Variants in CHN1 observed in about 807,000 individuals in gnomAD.
CHN1 encodes the protein N-chimaerin.
In CHN1, 37 loss-of-function variants were observed where a neutral mutation model predicts 59.5. The observed-to-expected ratio is 0.62, with a 90% confidence interval of 0.48 to 0.82. The LOEUF is 0.82. Ranked by LOEUF, CHN1 falls within the 40% of genes least tolerant of loss-of-function variation. The pLI, the probability that CHN1 is intolerant of heterozygous loss-of-function variation, is 0.00. For missense variants in CHN1, 469 were observed against 571.0 expected (o/e 0.82, Z 1.82); for synonymous variants, 206 against 200.4 (o/e 1.03, Z -0.24).
At chr2:174,906,754 C>A (rs1688554996) in intron 5 of CHN1, among the ~76,000 whole-genome samples, 1 of 152,058 alleles carries the variant, frequency 6.6e-6, no homozygotes, top group Admixed American at 6.6e-5. Context: ...AGAAGGCAGT[C>A]TTTTTTGGTC....
intron 6 of CHN1, among the ~76,000 whole-genome samples, chr2:174,849,874 C>T (rs1686671183): frequency 6.6e-6 from 1 of 152,144 alleles, no homozygotes; most frequent in Non-Finnish European, 1.5e-5. Flanking sequence ...ACACTATATC[C>T]ACCCAGGTGA....
At chr2:174,885,121 A>G (rs1687855679) in intron 5 of CHN1, among the ~76,000 whole-genome samples, 1 of 148,690 alleles carries the variant, frequency 6.7e-6, no homozygotes, top group East Asian at 1.9e-4. Context: ...CCCCATCTCT[A>G]CTAAAAAAAA....
intron 2 of CHN1, among the ~76,000 whole-genome samples, chr2:174,945,562 T>C (rs893760581): frequency 6.6e-6 from 1 of 152,200 alleles, no homozygotes; most frequent in African/African-American, 2.4e-5. Flanking sequence ...GTGAAAATTA[T>C]ACTGATACCA....
intron 1 of CHN1, among the ~76,000 whole-genome samples, chr2:174,988,126 A>C (rs1482551545): frequency 1.3e-5 from 2 of 152,114 alleles, no homozygotes; most frequent in South Asian, 2.1e-4. Flanking sequence ...TTGGGAGCCA[A>C]GGCGGGCGGA....
intron 1 of CHN1, among the ~76,000 whole-genome samples, chr2:174,980,629 G>A (rs1019476618): frequency 1.7e-4 from 26 of 152,238 alleles, no homozygotes; most frequent in Non-Finnish European, 3.2e-4. Flanking sequence ...GATATGCCTG[G>A]TTTCCTAAGA....
intron 8 of CHN1, among the ~76,000 whole-genome samples, chr2:174,814,822 A>T (rs2105387388): frequency 6.6e-6 from 1 of 152,310 alleles, no homozygotes; most frequent in East Asian, 1.9e-4. Context: ...CCCGAAAAGG[A>T]ATTGGATAAC....
Position 174,819,023 on chromosome 2 carries a change from T to C in CHN1, c.712+5411A>G, listed in dbSNP as rs578229275. 9.2e-5 allele frequency among the ~76,000 whole-genome samples: 14 copies of C among 152,182 alleles called. No individual in the cohort carries two copies. In the East Asian group the frequency reaches 1.5e-3, roughly 17 times the overall value. On this transcript the variant is annotated intron_variant, in intron 8 of 12. Transcript: ENST00000409900. ...GTTTTGAAACATATCTCGTTTTTTTTCCCCCAGGAAAGTGGAATAGCTTGA... is the reference window on the plus strand; with the variant it reads ...GTTTTGAAACATATCTCGTTTTTTTCCCCCCAGGAAAGTGGAATAGCTTGA...
At chr2:174,984,128 T>C (rs1258578848) in intron 1 of CHN1, among the ~76,000 whole-genome samples, 3 of 152,034 alleles carry the variant, frequency 2.0e-5, no homozygotes, top group Non-Finnish European at 4.4e-5. Flanking sequence ...ATAGGCACGT[T>C]TGAAAGCTCA....
intron 2 of CHN1, among the ~76,000 whole-genome samples, chr2:174,949,335 A>G (rs1407141535): frequency 6.6e-6 from 1 of 152,172 alleles, no homozygotes; most frequent in African/African-American, 2.4e-5. Flanking sequence ...TTTATTTAAC[A>G]TGAATGAATA....
intron 7 of CHN1, among the ~76,000 whole-genome samples, chr2:174,846,114 G>A (rs1259247884): frequency 6.6e-6 from 1 of 152,106 alleles, no homozygotes; most frequent in Non-Finnish European, 1.5e-5. Context: ...ATGTAACTGG[G>A]TCTACTTATG....
At chr2:174,990,345 T>C (rs572728001) in intron 1 of CHN1, among the ~76,000 whole-genome samples, 3 of 121,094 alleles carry the variant, frequency 2.5e-5, no homozygotes, top group African/African-American at 9.7e-5. Context: ...GCGGGCAAGA[T>C]GGAGAGGGAG....
At chr2:174,858,151 A>C (rs1686963475) in intron 6 of CHN1, among the ~76,000 whole-genome samples, 1 of 152,188 alleles carries the variant, frequency 6.6e-6, no homozygotes, top group Non-Finnish European at 1.5e-5. Flanking sequence ...TCTGTTGATT[A>C]GGCTGGGATG....
intron 11 of CHN1, among the ~76,000 whole-genome samples, chr2:174,807,867 T>C (rs1684948213): frequency 6.6e-6 from 1 of 152,226 alleles, no homozygotes; most frequent in Non-Finnish European, 1.5e-5. Context: ...AAGGAAGTGA[T>C]GTTATCATCT....
chr2:174,990,290 C>T (rs1317792735), intron 1 of CHN1, among the ~76,000 whole-genome samples: 2 of 109,182 alleles, frequency 1.8e-5, no homozygotes, highest in Non-Finnish European at 3.5e-5. Context: ...AGAGAGAGCG[C>T]GAGCGCAAGA....
At chr2:174,891,156 A>C (rs943398848) in intron 5 of CHN1, among the ~76,000 whole-genome samples, 1 of 150,434 alleles carries the variant, frequency 6.6e-6, no homozygotes. Flanking sequence ...AAAAAAAAAA[A>C]AAAAAAAAAG....
intron 5 of CHN1, among the ~76,000 whole-genome samples, chr2:174,893,042 T>G (rs1330567917): frequency 6.6e-6 from 1 of 152,164 alleles, no homozygotes; most frequent in Non-Finnish European, 1.5e-5. Context: ...TGAAAGCTCT[T>G]CCTCTAAGAT....
At chr2:174,820,207 T>C (rs1386726554) in intron 8 of CHN1, among the ~76,000 whole-genome samples, 2 of 152,136 alleles carry the variant, frequency 1.3e-5, no homozygotes, top group African/African-American at 2.4e-5. Flanking sequence ...CTGGGTCAAA[T>C]GGTATTTCTA....
In CHN1 at chr2:174,799,394, A is replaced by G; in HGVS notation, c.*722T>C. 2.3e-6 allele frequency: 1 copy of G among 431,704 alleles called. No individual in the cohort carries two copies. Among genetic ancestry groups the G allele is most frequent in the Non-Finnish European group, 4.4e-6 (1 of 227,238 alleles). 26.7% of individuals were successfully genotyped at this position (431,704 alleles called of 1,614,324 possible). A position where few individuals can be genotyped will look rare whatever the true frequency, so the allele number is the denominator to read the frequency against. ...TATGAGAAAAAAGTAAGCTATCAAT[A>G]TTTTTTATTTCTAAAAGCCAATTTA... On this transcript the variant is annotated 3_prime_UTR_variant, in exon 13 of 13. Transcript: ENST00000409900.
intron 4 of CHN1, among the ~76,000 whole-genome samples, chr2:174,917,457 T>G (rs552840928): frequency 1.4e-4 from 22 of 151,786 alleles, no homozygotes; most frequent in African/African-American, 5.1e-4. Context: ...TTCAATTAAC[T>G]TAAAAGAAAA....
Sources: gnomAD v4.1 joint callset for allele counts (sites outside exome capture counted in the v4.1 genomes callset) on GRCh38, gnomAD v4.1.1 for gene constraint, MANE v1.5 for transcripts, NCBI Gene and HGNC (gene_info 2026-07-23, HGNC 2026-07-21) for gene names.